The following XPO5 variants were observed in gnomAD, a reference collection of about 807,000 sequenced individuals.
XPO5 encodes exportin 5.
Under a neutral mutation model 160.6 loss-of-function variants are expected in XPO5, and 46 were observed. The observed-to-expected ratio is 0.29, with a 90% CI of 0.23 to 0.37. The LOEUF (loss-of-function observed/expected upper bound fraction) is 0.37, where lower values mean the gene tolerates loss of function less well. Among genes scored for constraint, XPO5 ranks in the 10% least tolerant of loss-of-function variants. The pLI is 1.00. For missense variants in XPO5, 1,090 were observed against 1,463.9 expected (o/e 0.74, Z 4.17); for synonymous variants, 537 against 519.3 (o/e 1.03, Z -0.46).
intron 27 of XPO5, chr6:43,526,300 G>A (rs1467161613): frequency 1.7e-5 from 6 of 361,324 alleles, no homozygotes; most frequent in East Asian, 5.2e-5. Flanking sequence ...AGGTAAGAAA[G>A]GAATACATAA....
intron 30 of XPO5, 32 bp from the exon 31 acceptor site, chr6:43,524,667 T>C (rs1793436261): frequency 6.2e-7 from 1 of 1,602,556 alleles, no homozygotes; most frequent in African/African-American, 1.3e-5. Context: ...TTACTGGATG[T>C]AGGTTTGGAT....
At position 43,538,402 on chromosome 6, in the gene XPO5, G is replaced by A. The variant is rs187451748; in HGVS notation, c.2343-4395C>T. Among the ~76,000 whole-genome samples the A allele has an allele frequency of 1.6e-4, 25 of 151,846 alleles. No individual in the cohort carries two copies. In the East Asian group the frequency reaches 4.5e-3, roughly 27 times the overall value. ...TTAGCCTCAAGGATCCGCCTGCCTCGGCCTCCCAAACTGCTGAGATCACAA... is the reference window on the plus strand; with the variant it reads ...TTAGCCTCAAGGATCCGCCTGCCTCAGCCTCCCAAACTGCTGAGATCACAA... On this transcript the variant is annotated intron_variant, in intron 20 of 31. Transcript: ENST00000265351.
rs146462243 is a variant in XPO5, at chr6:43,523,497, G to A, written c.*371C>T. 1.1e-4 allele frequency: 44 copies of A among 389,686 alleles called. No individual in the cohort carries two copies. Among genetic ancestry groups the A allele is most frequent in the African/African-American group, 7.7e-4 (37 of 48,268 alleles). 24.1% of individuals were successfully genotyped at this position (389,686 alleles called of 1,614,324 possible). The stretch of plus-strand genomic sequence containing the variant: ...GCTCTTGCTGCGAGCCTTGCTAGTC[G>A]CAGGGTTGGGCACAGCACCCTTAGT... On this transcript the variant is annotated 3_prime_UTR_variant, in exon 32 of 32. Coordinates refer to ENST00000265351, the MANE Select transcript of XPO5 (RefSeq NM_020750.3).
chr6:43,558,136 CACAGA>C (rs967837020), intron 12 of XPO5, among the ~76,000 whole-genome samples: 37 of 151,008 alleles, frequency 2.5e-4, no homozygotes, highest in African/African-American at 8.2e-4. Context: ...GCACAGAAAA[CACAGA>C]ACAGAACTAG....
At chr6:43,564,936 T>C (rs1762623779) in intron 8 of XPO5, among the ~76,000 whole-genome samples, 2 of 151,834 alleles carry the variant, frequency 1.3e-5, no homozygotes, top group Non-Finnish European at 2.9e-5. Context: ...TTTTTTTTTT[T>C]TTTTGAGACA....
At chr6:43,527,800 T>C (rs1160216693) in intron 25 of XPO5, 69 bp from the exon 26 acceptor site, 6 of 1,538,238 alleles carry the variant, frequency 3.9e-6, no homozygotes, top group Non-Finnish European at 5.4e-6. Context: ...GCAGCGACCC[T>C]AATCAGACTC....
At chr6:43,539,108 G>A in intron 20 of XPO5, 1 of 1,270,168 alleles carries the variant, frequency 7.9e-7, no homozygotes, top group Non-Finnish European at 1.1e-6. Context: ...AGTGCCCCTG[G>A]GTGCAGGGAT....
chr6:43,571,195 T>A (rs529762870), intron 3 of XPO5, among the ~76,000 whole-genome samples: 5 of 152,276 alleles, frequency 3.3e-5, no homozygotes, highest in African/African-American at 1.2e-4. Context: ...TAAGTGAGGG[T>A]TGCATCACCT....
intron 12 of XPO5, among the ~76,000 whole-genome samples, chr6:43,557,007 A>G (rs1348032333): frequency 6.6e-6 from 1 of 152,082 alleles, no homozygotes; most frequent in Admixed American, 6.5e-5. Flanking sequence ...GCATGCCTAT[A>G]ATCCCAGTTA....
At chr6:43,524,094 T>C in intron 31 of XPO5, 89 bp from the exon 32 acceptor site, 1 of 1,518,194 alleles carries the variant, frequency 6.6e-7, no homozygotes, top group Non-Finnish European at 8.8e-7. Flanking sequence ...CTCGCGCCTG[T>C]AATCCCAACA....
rs200028104 is a variant in XPO5, at chr6:43,546,756, T to C, written c.2161-4A>G. 1.6e-5 allele frequency: 24 copies of C among 1,532,466 alleles called. No homozygotes were observed. The highest frequency in any genetic ancestry group is 7.4e-5 in the African/African-American group (5 of 67,686). The allele number at this position is 1,532,466 out of a possible 1,614,324, so 94.9% of individuals were successfully genotyped here. A position where few individuals can be genotyped will look rare whatever the true frequency, so the allele number is the denominator to read the frequency against. On this transcript the variant is annotated splice_polypyrimidine_tract_variant and splice_region_variant and intron_variant, in intron 19 of 31. Coordinates refer to ENST00000265351, the MANE Select transcript of XPO5 (RefSeq NM_020750.3). ...TGCTGTATACACAAAAGCTCATCTA[T>C]AGAAAAATAAGAATGACAGATAAAT...
chr6:43,534,090 A>G, intron 20 of XPO5, 83 bp from the exon 21 acceptor site: 7 of 985,474 alleles, frequency 7.1e-6, no homozygotes, highest in South Asian at 1.3e-5. Flanking sequence ...CAGTGATACT[A>G]CAGTTTCACA....
At chr6:43,566,062 G>A (rs1762679994) in intron 7 of XPO5, among the ~76,000 whole-genome samples, 1 of 152,114 alleles carries the variant, frequency 6.6e-6, no homozygotes, top group African/African-American at 2.4e-5. Context: ...TTCGAGACCA[G>A]CCTGGTCAAC....
At chr6:43,572,160 C>T (rs1370361674) in intron 3 of XPO5, among the ~76,000 whole-genome samples, 1 of 152,222 alleles carries the variant, frequency 6.6e-6, no homozygotes, top group African/African-American at 2.4e-5. Context: ...TCACTGCAGC[C>T]TGGACCTCCT....
intron 20 of XPO5, among the ~76,000 whole-genome samples, chr6:43,536,488 G>A (rs934510586): frequency 2.7e-4 from 41 of 151,774 alleles, no homozygotes; most frequent in Admixed American, 2.2e-3. Context: ...GCCAGATGCG[G>A]TGGCTTATGC....
intron 20 of XPO5, among the ~76,000 whole-genome samples, chr6:43,543,503 G>C (rs1203908727): frequency 6.6e-6 from 1 of 152,032 alleles, no homozygotes; most frequent in Non-Finnish European, 1.5e-5. Flanking sequence ...CAGAATAGTA[G>C]TTATCTTTGA....
chr6:43,525,457 T>G (rs1347862486), intron 28 of XPO5: 2 of 523,992 alleles, frequency 3.8e-6, no homozygotes, highest in Non-Finnish European at 6.7e-6. Flanking sequence ...GAGTTTTAAA[T>G]AGCTAAGCAG....
rs747225372 is a variant in XPO5, at chr6:43,527,722, ATCT to A, written c.2829_2831del (p.Glu943del). 3.1e-6 allele frequency: 5 copies of A among 1,613,956 alleles called. No individual in the cohort carries two copies. Among genetic ancestry groups the A allele is most frequent in the East Asian group, 4.5e-5 (2 of 44,876 alleles). Reference sequence around the variant, plus strand: ...ACTCTGGGTTTTCATCTGCAGCCTCATCTTCTCCACTGCAGAAAACCAGGGGGC... The same window carrying A: ...ACTCTGGGTTTTCATCTGCAGCCTCATCTCCACTGCAGAAAACCAGGGGGC... On this transcript the variant is annotated inframe_deletion, in exon 26 of 32. Coordinates refer to ENST00000265351, the MANE Select transcript of XPO5 (RefSeq NM_020750.3).
intron 13 of XPO5, 83 bp from the exon 14 acceptor site, chr6:43,553,586 G>A: frequency 6.7e-7 from 1 of 1,493,796 alleles, no homozygotes; most frequent in Non-Finnish European, 8.9e-7. Flanking sequence ...GACACAGAGA[G>A]ACAATGGAGC....
Sources: allele counts gnomAD v4.1 joint callset (sites outside exome capture counted in the v4.1 genomes callset), GRCh38; gene constraint gnomAD v4.1.1; transcripts MANE v1.5; gene names NCBI Gene and HGNC (gene_info 2026-07-23, HGNC 2026-07-21).